The following UBE2D3 variants were observed in gnomAD, a reference collection of about 807,000 sequenced individuals.
UBE2D3 encodes ubiquitin-conjugating enzyme E2 D3.
UBE2D3 carries 2 observed loss-of-function variants against 22.8 expected under a neutral mutation model. The ratio of observed to expected loss-of-function variants is 0.09; its 90% confidence interval spans 0.04 to 0.28. UBE2D3 has a LOEUF of 0.28. Among genes scored for constraint, UBE2D3 ranks in the 10% least tolerant of loss-of-function variants. The pLI, the probability that UBE2D3 is intolerant of heterozygous loss-of-function variation, is 1.00. For synonymous variants in UBE2D3, 56 were observed against 60.4 expected (o/e 0.93, Z 0.34); for missense variants, 27 against 182.5 (o/e 0.15, Z 4.91).
At chr4:102,868,757 ATC>A (rs1250225296) in exon 1 of UBE2D3, 1 of 1,614,080 alleles carries the variant, frequency 6.2e-7, no homozygotes, top group East Asian at 2.2e-5. Flanking sequence ...TCACATGCTT[ATC>A]TCATCGCACA....
At position 102,826,673 on chromosome 4, in the gene UBE2D3, G is replaced by A. The variant is rs190582603; in HGVS notation, c.-128-37C>T. ...ACGGAGCAGATCAGCACTCGCACAG[G>A]CCCCGAAGAGCCCCTGATGAATCCA... is the stretch of plus-strand genomic sequence containing the variant. On this transcript the variant is annotated intron_variant, in intron 1 of 7. Coordinates refer to ENST00000453744, the MANE Select transcript of UBE2D3 (RefSeq NM_181891.3). The A allele has an allele frequency of 9.3e-4, 1,396 of 1,505,566 alleles. 7 individuals carry two copies. Among genetic ancestry groups the A allele is most frequent in the African/African-American group, 9.1e-3 (654 of 71,566 alleles). 93.3% of individuals were successfully genotyped at this position (1,505,566 alleles called of 1,614,324 possible). A position where few individuals can be genotyped will look rare whatever the true frequency, so the allele number is the denominator to read the frequency against.
intron 2 of UBE2D3, among the ~76,000 whole-genome samples, chr4:102,814,734 C>G (rs960705641): frequency 4.6e-5 from 7 of 152,116 alleles, no homozygotes; most frequent in Admixed American, 1.3e-4. Flanking sequence ...GACCACCCAT[C>G]CTGAACCAAG....
chr4:102,800,536 C>G (rs1169267411), intron 6 of UBE2D3, among the ~76,000 whole-genome samples: 2 of 152,000 alleles, frequency 1.3e-5, no homozygotes, highest in Non-Finnish European at 2.9e-5. Flanking sequence ...AACTTGGAAA[C>G]TGATATTTAG....
chr4:102,803,027 C>A (rs1376240807), intron 4 of UBE2D3, among the ~76,000 whole-genome samples: 1 of 152,184 alleles, frequency 6.6e-6, no homozygotes, highest in East Asian at 1.9e-4. Context: ...CAAATGGCTT[C>A]ACAACAGTCC....
rs986777046 is a variant in UBE2D3, at chr4:102,858,663, A to T, written c.-129+10052T>A. The stretch of plus-strand genomic sequence containing the variant: ...ATAAAGTAATGGTTCTGGAAAGAGC[A>T]TGTTAATTTAAAAAAATAACTACTT... On this transcript the variant is annotated intron_variant, in intron 1 of 7. Transcript: ENST00000338145. Among the ~76,000 whole-genome samples, 13 of 152,060 alleles carry T rather than the reference A, an allele frequency of 8.5e-5. 1 individual carries two copies. The highest frequency in any genetic ancestry group is 1.6e-4 in the Non-Finnish European group (11 of 67,892).
chr4:102,807,819 T>TA (rs1340841314), intron 4 of UBE2D3, among the ~76,000 whole-genome samples: 1 of 152,210 alleles, frequency 6.6e-6, no homozygotes, highest in African/African-American at 2.4e-5. Context: ...TCCTTTTGAT[T>TA]GTCTATAGGT....
At chr4:102,838,706 A>C (rs1277349613) in intron 1 of UBE2D3, among the ~76,000 whole-genome samples, 2 of 149,294 alleles carry the variant, frequency 1.3e-5, no homozygotes, top group African/African-American at 2.5e-5. Flanking sequence ...CTACTGGATA[A>C]GGGGGGATAC....
chr4:102,819,467 T>A, intron 2 of UBE2D3: 2 of 624,654 alleles, frequency 3.2e-6, no homozygotes, highest in Non-Finnish European at 4.0e-6. Context: ...GCCCAATAAG[T>A]ATCTGAACAT....
chr4:102,836,229 C>T (rs895185144), intron 1 of UBE2D3, among the ~76,000 whole-genome samples: 2 of 149,792 alleles, frequency 1.3e-5, no homozygotes, highest in Admixed American at 1.3e-4. Context: ...TTACTGTAAC[C>T]TCTGCCTCCT....
At chr4:102,841,175 A>C (rs994497082) in intron 1 of UBE2D3, among the ~76,000 whole-genome samples, 14 of 152,206 alleles carry the variant, frequency 9.2e-5, no homozygotes, top group African/African-American at 3.4e-4. Flanking sequence ...TTATTTTTAA[A>C]TGAGGAGGGA....
intron 5 of UBE2D3, 57 bp from the exon 6 acceptor site, chr4:102,801,616 A>C: frequency 7.4e-7 from 1 of 1,350,414 alleles, no homozygotes; most frequent in South Asian, 1.3e-5. Context: ...CTTTTAAAGC[A>C]AAACTTAAAA....
intron 2 of UBE2D3, chr4:102,825,568 G>A (rs896694094): frequency 8.4e-7 from 1 of 1,194,322 alleles, no homozygotes; most frequent in Non-Finnish European, 1.1e-6. Flanking sequence ...GCAAGAAAAT[G>A]AGACTAAACC....
At position 102,797,302 on chromosome 4, in the gene UBE2D3, T is replaced by C; in HGVS notation, c.*113A>G. 2.3e-6 allele frequency: 2 copies of C among 876,336 alleles called. No homozygotes were observed. Among genetic ancestry groups the C allele is most frequent in the Non-Finnish European group, 3.5e-6 (2 of 576,636 alleles). The allele number at this position is 876,336 out of a possible 1,614,324, so 54.3% of individuals were successfully genotyped here. On this transcript the variant is annotated 3_prime_UTR_variant, in exon 8 of 8. Coordinates refer to ENST00000453744, the MANE Select transcript of UBE2D3 (RefSeq NM_181891.3). ...GGAGGGAGGTAAACAAAAAATAAAA[T>C]TAAAAAAGATGAGGTCTGATAGGGG... is the stretch of plus-strand genomic sequence containing the variant.
intron 1 of UBE2D3, among the ~76,000 whole-genome samples, chr4:102,848,921 CTGTGTGTGTGTGTGTGTGTGTGTGTG>C (rs147050383): frequency 1.4e-5 from 2 of 142,738 alleles, no homozygotes; most frequent in Admixed American, 7.0e-5. Flanking sequence ...TTATGTGTGC[CTGTGTGTGTGTGTGTGTGTGTGTGTG>C]TGTGTGTGTG....
chr4:102,826,637 C>T lies in UBE2D3; in HGVS notation c.-128-1G>A. ...CACCAGCTCTGCCAGACACAGGCGC[C>T]TTTTGCAAAAACGGAGCAGATCAGC... On this transcript the variant is annotated splice_acceptor_variant, in intron 1 of 7. Transcript: ENST00000453744. LOFTEE classifies it low-confidence loss of function (5UTR_SPLICE). 6.4e-7 allele frequency: 1 copy of T among 1,570,902 alleles called. No individual in the cohort carries two copies. Among genetic ancestry groups the T allele is most frequent in the South Asian group, 1.1e-5 (1 of 88,320 alleles).
chr4:102,831,131 C>G (rs1179719106), upstream of UBE2D3, among the ~76,000 whole-genome samples: 1 of 151,994 alleles, frequency 6.6e-6, no homozygotes, highest in Non-Finnish European at 1.5e-5. Flanking sequence ...CAGTGTATAC[C>G]ATTTTATTAG....
chr4:102,800,563 G>C (rs1318538018), intron 6 of UBE2D3, among the ~76,000 whole-genome samples: 1 of 152,074 alleles, frequency 6.6e-6, no homozygotes, highest in East Asian at 1.9e-4. Context: ...AGCATGATTT[G>C]AAAAGAAATT....
intron 4 of UBE2D3, among the ~76,000 whole-genome samples, chr4:102,808,675 T>A (rs1727455327): frequency 2.0e-5 from 3 of 152,208 alleles, no homozygotes; most frequent in Admixed American, 2.0e-4. Context: ...GTTTTAGGTA[T>A]CTGTCTCCTC....
At chr4:102,852,474 G>A (rs1347678605) in intron 1 of UBE2D3, among the ~76,000 whole-genome samples, 1 of 152,118 alleles carries the variant, frequency 6.6e-6, no homozygotes, top group Non-Finnish European at 1.5e-5. Context: ...ACACAAATAT[G>A]TAAACATCTC....
Sources: allele counts gnomAD v4.1 joint callset (sites outside exome capture counted in the v4.1 genomes callset), GRCh38; gene constraint gnomAD v4.1.1; transcripts MANE v1.5; gene names NCBI Gene and HGNC (gene_info 2026-07-23, HGNC 2026-07-21).